The following TG variants were observed in gnomAD, a reference collection of about 807,000 sequenced individuals.
TG encodes thyroid hormones.
A neutral mutation model predicts 324.7 loss-of-function variants in TG; 270 were observed. The observed-to-expected ratio is 0.83, with a 90% CI of 0.75 to 0.92. The LOEUF is 0.92. Ranked by LOEUF, TG falls within the 40% of genes least tolerant of loss-of-function variation. TG has a pLI of 0.00. For missense variants in TG, 3,591 were observed against 3,456.4 expected, an observed-to-expected ratio of 1.04 and a Z score of -0.98; for synonymous variants, 1,401 against 1,327.0, an observed-to-expected ratio of 1.06 and a Z score of -1.21.
intron 25 of TG, among the ~76,000 whole-genome samples, chr8:132,936,152 G>T (rs952394060): frequency 1.3e-5 from 2 of 152,236 alleles, no homozygotes; most frequent in African/African-American, 2.4e-5. Context: ...GCCTCATTCT[G>T]CAGGCAGAGC....
intron 35 of TG, among the ~76,000 whole-genome samples, chr8:133,007,368 G>C (rs894340499): frequency 6.6e-6 from 1 of 152,040 alleles, no homozygotes; most frequent in Non-Finnish European, 1.5e-5. Flanking sequence ...TGAGTGTGTA[G>C]ATCAATTAGT....
intron 45 of TG, among the ~76,000 whole-genome samples, chr8:133,120,695 C>G (rs1564211618): frequency 6.6e-6 from 1 of 152,212 alleles, no homozygotes; most frequent in South Asian, 2.1e-4. Flanking sequence ...CACTAATGAC[C>G]TCAGTTTTAC....
chr8:132,882,727 G>T (rs1814823516), intron 7 of TG, 87 bp from the exon 8 acceptor site: 2 of 1,612,144 alleles, frequency 1.2e-6, no homozygotes, highest in Admixed American at 3.3e-5. Context: ...GAGATGAAAA[G>T]AATCGTTAAG....
At chr8:132,878,430 G>C (rs1372373718) in intron 5 of TG, among the ~76,000 whole-genome samples, 3 of 151,948 alleles carry the variant, frequency 2.0e-5, no homozygotes, top group African/African-American at 4.8e-5. Context: ...TCCTGGCTAA[G>C]ATGGTGAAAC....
At chr8:133,048,139 G>T (rs1186526789) in intron 41 of TG, among the ~76,000 whole-genome samples, 1 of 152,180 alleles carries the variant, frequency 6.6e-6, no homozygotes, top group Non-Finnish European at 1.5e-5. Context: ...GTCAGCAGTT[G>T]ATAGAGTTAA....
chr8:133,049,541 A>AG (rs1359012579), intron 41 of TG: 2 of 299,176 alleles, frequency 6.7e-6, no homozygotes, highest in Non-Finnish European at 1.3e-5. Flanking sequence ...ACTGGCACAC[A>AG]GCCAGTAAGT....
intron 43 of TG, among the ~76,000 whole-genome samples, chr8:133,106,960 G>A (rs1396165971): frequency 6.6e-6 from 1 of 152,164 alleles, no homozygotes; most frequent in Non-Finnish European, 1.5e-5. Flanking sequence ...TGTTCTCATC[G>A]TGTCTCTCAG....
chr8:133,134,790 A>G lies in TG; in HGVS notation c.8303A>G (p.Lys2768Arg). The change falls in exon 48 of 48, where the codon AAG (lysine) becomes AGG (arginine). Residue 2768 changes from lysine to arginine, a missense_variant. By Grantham distance (26) the Lys-to-Arg change is conservative. Transcript: ENST00000220616. ...GAACCAGGCTCTAAGACCTACAGCA[A>G]GTGACCAGCCCTTGAGCTCCCCAAA... is the stretch of plus-strand genomic sequence containing the variant. ...LQEPGSKTYS[K>R] The G allele has an allele frequency of 6.2e-7, 1 of 1,613,996 alleles. No homozygotes were observed.
chr8:132,878,621 C>CAA (rs558752062), intron 5 of TG, among the ~76,000 whole-genome samples: 3 of 140,042 alleles, frequency 2.1e-5, no homozygotes, highest in Non-Finnish European at 1.6e-5. Flanking sequence ...AAAAAAAAAA[C>CAA]AAAAAAAAAA....
At chr8:133,118,601 A>C (rs150802910) in intron 45 of TG, among the ~76,000 whole-genome samples, 3,977 of 152,240 alleles carry the variant, frequency 0.026, 172 homozygotes, top group African/African-American at 0.091. Flanking sequence ...CTGGGATTAC[A>C]GGCGTGAGCC....
At chr8:133,106,586 C>CCCAG (rs1285170223) in intron 43 of TG, 4 of 381,392 alleles carry the variant, frequency 1.0e-5, no homozygotes, top group Non-Finnish European at 1.4e-5. Flanking sequence ...CTCCCCCTCA[C>CCCAG]CCAGCTGTCC....
chr8:133,019,468 T>A (rs1835360083), intron 38 of TG, 134 bp from the exon 39 acceptor site: 2 of 711,040 alleles, frequency 2.8e-6, no homozygotes, highest in African/African-American at 1.7e-5. Flanking sequence ...TCCCATTTCC[T>A]GAAGCTGCCT....
intron 41 of TG, among the ~76,000 whole-genome samples, chr8:133,072,266 A>G (rs1412030265): frequency 1.3e-5 from 2 of 152,234 alleles, no homozygotes; most frequent in African/African-American, 4.8e-5. Flanking sequence ...TGTCTTAGCT[A>G]GAATTACCAT....
intron 41 of TG, among the ~76,000 whole-genome samples, chr8:133,081,851 G>A (rs1845800508): frequency 6.6e-6 from 1 of 152,216 alleles, no homozygotes; most frequent in African/African-American, 2.4e-5. Context: ...TCCTGTAGCT[G>A]CACTCCTGTG....
intron 41 of TG, among the ~76,000 whole-genome samples, chr8:133,052,804 G>A (rs571011458): frequency 9.2e-5 from 14 of 152,324 alleles, no homozygotes; most frequent in South Asian, 4.1e-4. Context: ...GGTCTCAGGC[G>A]TATGATTTGT....
chr8:132,946,941 C>A (rs781446407), intron 26 of TG, among the ~76,000 whole-genome samples: 1 of 152,180 alleles, frequency 6.6e-6, no homozygotes, highest in African/African-American at 2.4e-5. Context: ...AGGAAAAACG[C>A]ACTCTGCCTC....
At position 133,013,775 on chromosome 8, in the gene TG, G is replaced by A. The variant is rs1441700818; in HGVS notation, c.6562+11G>A. 6 of 1,607,166 alleles carry A rather than the reference G, an allele frequency of 3.7e-6. No homozygotes were observed. The highest frequency in any genetic ancestry group is 5.1e-6 in the Non-Finnish European group (6 of 1,179,612). Reference sequence around the variant, plus strand: ...TCTACCGGAAGCCAGGTAAGCCCAAGCCTATGCCTTTGCAGCCATCCTGGG... The same window carrying A: ...TCTACCGGAAGCCAGGTAAGCCCAAACCTATGCCTTTGCAGCCATCCTGGG... On this transcript the variant is annotated intron_variant, in intron 37 of 47. Coordinates refer to ENST00000220616, the MANE Select transcript of TG (RefSeq NM_003235.5).
chr8:133,004,581 C>T (rs925514338), intron 35 of TG, among the ~76,000 whole-genome samples: 1 of 152,188 alleles, frequency 6.6e-6, no homozygotes, highest in African/African-American at 2.4e-5. Flanking sequence ...TGCGAGTTAA[C>T]ATAAGTAACT....
chr8:133,004,700 G>A (rs1037642931), intron 35 of TG, among the ~76,000 whole-genome samples: 1 of 152,200 alleles, frequency 6.6e-6, no homozygotes, highest in African/African-American at 2.4e-5. Flanking sequence ...GTGGAGGGTT[G>A]CAATGCAGCT....
Sources: gnomAD v4.1 joint callset for allele counts (sites outside exome capture counted in the v4.1 genomes callset) on GRCh38, gnomAD v4.1.1 for gene constraint, MANE v1.5 for transcripts, NCBI Gene and HGNC (gene_info 2026-07-23, HGNC 2026-07-21) for gene names.